Variants in LNX1 observed in about 807,000 individuals in gnomAD.
LNX1 encodes the protein ligand of numb-protein X 1.
LNX1 carries 54 observed loss-of-function variants against 68.4 expected under a neutral mutation model. That is an observed-to-expected ratio of 0.79 (90% CI 0.63 to 0.99). The LOEUF (loss-of-function observed/expected upper bound fraction) is 0.99. LNX1 is among the 50% of genes least tolerant of loss of function. LNX1 has a pLI of 0.00. For synonymous variants in LNX1, 336 were observed against 350.0 expected (o/e 0.96, Z 0.45); for missense variants, 906 against 926.4 (o/e 0.98, Z 0.29).
chr4:53,619,159 A>G (rs1335215804), upstream of LNX1, among the ~76,000 whole-genome samples: 4 of 152,210 alleles, frequency 2.6e-5, no homozygotes, highest in African/African-American at 9.6e-5. Flanking sequence ...ATAACATTAG[A>G]TGGCCTTAAT....
intron 7 of LNX1, among the ~76,000 whole-genome samples, chr4:53,480,831 T>C (rs1417437460): frequency 6.6e-6 from 1 of 152,234 alleles, no homozygotes; most frequent in Non-Finnish European, 1.5e-5. Context: ...TAGATTGACG[T>C]AGAAAGAAAA....
intron 2 of LNX1, chr4:53,558,191 C>T: frequency 1.1e-5 from 14 of 1,323,948 alleles, no homozygotes; most frequent in Non-Finnish European, 1.4e-5. Flanking sequence ...CAAGGAGCCA[C>T]CACGGTTGGC....
intron 9 of LNX1, among the ~76,000 whole-genome samples, chr4:53,468,658 A>C (rs1223932430): frequency 6.6e-6 from 1 of 152,212 alleles, no homozygotes; most frequent in African/African-American, 2.4e-5. Flanking sequence ...TACCAAGCAA[A>C]TGGAAAACAA....
chr4:53,472,688 A>G (rs12503229), intron 9 of LNX1, among the ~76,000 whole-genome samples: 1 of 122,272 alleles, frequency 8.2e-6, no homozygotes. Context: ...ACAACAACAA[A>G]AAAAAAAAAA....
intron 2 of LNX1, among the ~76,000 whole-genome samples, chr4:53,544,965 C>T (rs754979887): frequency 2.0e-5 from 3 of 152,192 alleles, no homozygotes; most frequent in Admixed American, 6.5e-5. Context: ...CCAGTGACAC[C>T]TCAGACCTAT....
At chr4:53,623,126 C>T (rs1048604935) in intron 1 of LNX1, among the ~76,000 whole-genome samples, 1 of 151,846 alleles carries the variant, frequency 6.6e-6, no homozygotes, top group African/African-American at 2.4e-5. Context: ...CACTTGAATA[C>T]ATTGCACGGC....
intron 9 of LNX1, among the ~76,000 whole-genome samples, chr4:53,473,570 A>G (rs968273457): frequency 5.9e-5 from 9 of 152,302 alleles, no homozygotes; most frequent in Admixed American, 1.3e-4. Flanking sequence ...CAAATACTTC[A>G]TGTTCTCACT....
At chr4:53,624,099 T>C (rs1733987433) in intron 1 of LNX1, among the ~76,000 whole-genome samples, 1 of 152,332 alleles carries the variant, frequency 6.6e-6, no homozygotes, top group East Asian at 1.9e-4. Context: ...TCTTTCCGTC[T>C]GTCCTCCTTA....
chr4:53,567,046 G>A (rs1249223421), intron 2 of LNX1, among the ~76,000 whole-genome samples: 16 of 148,748 alleles, frequency 1.1e-4, no homozygotes, highest in Non-Finnish European at 1.7e-4. Flanking sequence ...ATTAATAATG[G>A]GAGACTTTAA....
chr4:53,490,144 A>AG (rs1312944812), intron 6 of LNX1, among the ~76,000 whole-genome samples: 1 of 151,366 alleles, frequency 6.6e-6, no homozygotes, highest in African/African-American at 2.4e-5. Flanking sequence ...ATAAGGAAAA[A>AG]ACAATTACAC....
intron 6 of LNX1, among the ~76,000 whole-genome samples, chr4:53,485,053 C>T (rs13125807): frequency 0.14 from 20,701 of 152,176 alleles, 1,553 homozygotes; most frequent in South Asian, 0.22. Flanking sequence ...AGAAAGCTGA[C>T]ATGAAGAACG....
chr4:53,471,243 C>G (rs374696140), intron 9 of LNX1, among the ~76,000 whole-genome samples: 44 of 151,724 alleles, frequency 2.9e-4, no homozygotes, highest in East Asian at 7.7e-4. Flanking sequence ...AATGGGGAAA[C>G]GATTCCCTAT....
At chr4:53,501,841 AT>A (rs1317122052) in intron 4 of LNX1, 1 of 152,250 alleles carries the variant, frequency 6.6e-6, no homozygotes, top group Non-Finnish European at 1.5e-5. Flanking sequence ...CCATTCTGGA[AT>A]TACAGCTTCC....
chr4:53,486,454 T>A (rs1435982258), intron 6 of LNX1, among the ~76,000 whole-genome samples: 1 of 152,142 alleles, frequency 6.6e-6, no homozygotes, highest in African/African-American at 2.4e-5. Context: ...CTGTGGACTT[T>A]AGCTTATTGG....
intron 10 of LNX1, 22 bp from the exon 11 acceptor site, chr4:53,461,064 G>GAT: frequency 2.6e-6 from 4 of 1,536,100 alleles, no homozygotes; most frequent in Non-Finnish European, 3.5e-6. Flanking sequence ...AACAAAACAA[G>GAT]ATATGATTAG....
intron 2 of LNX1, among the ~76,000 whole-genome samples, chr4:53,530,959 G>A (rs1046750009): frequency 8.5e-5 from 13 of 152,094 alleles, no homozygotes; most frequent in African/African-American, 3.1e-4. Context: ...GAGCTCAGGG[G>A]TTTGAGACCA....
chr4:53,629,866 T>C (rs755838964), intron 1 of LNX1, among the ~76,000 whole-genome samples: 2 of 152,184 alleles, frequency 1.3e-5, no homozygotes, highest in Admixed American at 6.5e-5. Context: ...ATTTTTAAAA[T>C]GAGTGATGCT....
At chr4:53,490,917 AT>A (rs146022876) in intron 6 of LNX1, among the ~76,000 whole-genome samples, 22 of 151,362 alleles carry the variant, frequency 1.5e-4, no homozygotes, top group Middle Eastern at 6.8e-3. Context: ...CTTTGCTCCC[AT>A]TTTTTTTTAA....
At chr4:53,591,204 A>T (rs186456738) in intron 1 of LNX1, among the ~76,000 whole-genome samples, 184 bp downstream of exon 1, 2 of 152,170 alleles carry the variant, frequency 1.3e-5, no homozygotes, top group Non-Finnish European at 2.9e-5. Flanking sequence ...GGAGAAGTTT[A>T]TTGTGCAACT....
Sources: gnomAD v4.1 joint callset for allele counts (sites outside exome capture counted in the v4.1 genomes callset) on GRCh38, gnomAD v4.1.1 for gene constraint, MANE v1.5 for transcripts, NCBI Gene and HGNC (gene_info 2026-07-23, HGNC 2026-07-21) for gene names.